Variants in MCF2L2 observed in about 807,000 individuals in gnomAD.
The protein encoded by MCF2L2 is MCF.2 cell line derived transforming sequence-like 2.
In MCF2L2, 102 loss-of-function variants were observed where a neutral mutation model predicts 150.2. The observed-to-expected ratio is 0.68, with a 90% CI of 0.58 to 0.80. The LOEUF is 0.80. Ranked by LOEUF, MCF2L2 falls within the 30% of genes least tolerant of loss-of-function variation. MCF2L2 has a pLI of 0.00. For synonymous variants in MCF2L2, 465 were observed against 491.3 expected (o/e 0.95, Z 0.71); for missense variants, 1,256 against 1,372.8 (o/e 0.91, Z 1.34).
intron 27 of MCF2L2, among the ~76,000 whole-genome samples, chr3:183,188,808 T>C (rs942453045): frequency 1.7e-4 from 26 of 152,016 alleles, no homozygotes; most frequent in African/African-American, 6.0e-4. Context: ...TCTCCTCTAC[T>C]AAAAATTCAA....
intron 4 of MCF2L2, among the ~76,000 whole-genome samples, chr3:183,340,945 AAAT>A (rs1263822538): frequency 6.6e-6 from 1 of 152,222 alleles, no homozygotes; most frequent in Non-Finnish European, 1.5e-5. Context: ...ACTGTTTCAA[AAAT>A]AATAATAATA....
At chr3:183,360,963 GAAA>G (rs1340713811) in intron 3 of MCF2L2, among the ~76,000 whole-genome samples, 4 of 37,668 alleles carry the variant, frequency 1.1e-4, no homozygotes, top group Non-Finnish European at 1.5e-4. Flanking sequence ...ACTCAGAAAA[GAAA>G]AGAAAAGAAA....
intron 15 of MCF2L2, among the ~76,000 whole-genome samples, chr3:183,240,813 C>T (rs1723988116): frequency 6.6e-6 from 1 of 152,194 alleles, no homozygotes; most frequent in Non-Finnish European, 1.5e-5. Flanking sequence ...TCTGTTAAGC[C>T]AGTGTTATCG....
At chr3:183,332,207 T>G (rs551838265) in intron 5 of MCF2L2, among the ~76,000 whole-genome samples, 1 of 152,180 alleles carries the variant, frequency 6.6e-6, no homozygotes, top group Non-Finnish European at 1.5e-5. Flanking sequence ...GCTTGATAAC[T>G]TCAGACTCTG....
chr3:183,310,533 C>T, intron 9 of MCF2L2: 1 of 274,814 alleles, frequency 3.6e-6, no homozygotes, highest in Non-Finnish European at 7.2e-6. Context: ...GATGGTGGGG[C>T]ATGCCTGTAA....
intron 10 of MCF2L2, among the ~76,000 whole-genome samples, chr3:183,309,310 C>T (rs1399160534): frequency 6.6e-6 from 1 of 151,640 alleles, no homozygotes; most frequent in Non-Finnish European, 1.5e-5. Flanking sequence ...CCCATCCTTA[C>T]TACCAACCCC....
chr3:183,282,172 T>TATTTG (rs1486553849), intron 14 of MCF2L2, among the ~76,000 whole-genome samples: 80 of 150,812 alleles, frequency 5.3e-4, no homozygotes, highest in African/African-American at 1.9e-3. Flanking sequence ...TATTATTATT[T>TATTTG]ATTTTATTTT....
At chr3:183,217,765 T>C (rs1412024045) in intron 21 of MCF2L2, among the ~76,000 whole-genome samples, 1 of 152,202 alleles carries the variant, frequency 6.6e-6, no homozygotes, top group African/African-American at 2.4e-5. Flanking sequence ...CCATTAAAGA[T>C]GCCAAAGAGA....
Position 183,394,039 on chromosome 3 carries a change from A to G in MCF2L2, c.77-4260T>C, listed in dbSNP as rs574300027. ...AAAAAAGAAAAAGAACTAAATAAAT[A>G]AATACCTAGGTTAAGGGGGAAAAAG... On this transcript the variant is annotated intron_variant, in intron 1 of 29. Transcript: ENST00000328913. 2.0e-5 allele frequency among the ~76,000 whole-genome samples: 3 copies of G among 152,314 alleles called. No homozygotes were observed. In the South Asian group the frequency reaches 6.2e-4, roughly 32 times the overall value.
At chr3:183,241,829 A>C (rs1031489062) in intron 15 of MCF2L2, among the ~76,000 whole-genome samples, 1 of 152,210 alleles carries the variant, frequency 6.6e-6, no homozygotes, top group Non-Finnish European at 1.5e-5. Context: ...GATGTGGTAA[A>C]GTTTGGAACT....
intron 15 of MCF2L2, 131 bp from the exon 16 acceptor site, chr3:183,231,148 G>A (rs1223321935): frequency 1.4e-6 from 1 of 735,340 alleles, no homozygotes; most frequent in African/African-American, 1.7e-5. Context: ...TTAGTTTCTG[G>A]TCAGTTCATT....
intron 3 of MCF2L2, among the ~76,000 whole-genome samples, chr3:183,349,044 A>C (rs567835060): frequency 1.3e-5 from 2 of 152,318 alleles, no homozygotes; most frequent in East Asian, 3.8e-4. Flanking sequence ...ATGCTCATGG[A>C]ATATTTAACA....
At chr3:183,418,714 G>C (rs66981586) in intron 1 of MCF2L2, among the ~76,000 whole-genome samples, 1 of 152,128 alleles carries the variant, frequency 6.6e-6, no homozygotes, top group Non-Finnish European at 1.5e-5. Context: ...CTTTGACTTC[G>C]TGTCTCACAT....
At chr3:183,202,118 A>G (rs1027335492) in intron 25 of MCF2L2, among the ~76,000 whole-genome samples, 6 of 152,174 alleles carry the variant, frequency 3.9e-5, no homozygotes, top group Admixed American at 3.3e-4. Context: ...TGGGGGAACT[A>G]TGGAGCCTCA....
At chr3:183,210,782 A>G (rs1722666482) in intron 22 of MCF2L2, among the ~76,000 whole-genome samples, 1 of 152,182 alleles carries the variant, frequency 6.6e-6, no homozygotes, top group South Asian at 2.1e-4. Context: ...CTCAGGCAGC[A>G]AGGTTTGTGC....
At chr3:183,273,196 G>A (rs1309814612) in intron 15 of MCF2L2, 7 of 468,622 alleles carry the variant, frequency 1.5e-5, no homozygotes, top group East Asian at 3.5e-5. Flanking sequence ...CACTTGAATA[G>A]AAGATGGTTA....
At chr3:183,211,308 G>C (rs528395397) in intron 22 of MCF2L2, among the ~76,000 whole-genome samples, 1 of 152,126 alleles carries the variant, frequency 6.6e-6, no homozygotes, top group Non-Finnish European at 1.5e-5. Context: ...GTGACTTCTT[G>C]AGAAGCTGCA....
At position 183,216,067 on chromosome 3, in the gene MCF2L2, C is replaced by T; in HGVS notation, c.2398G>A (p.Ala800Thr). 1.2e-6 allele frequency: 2 copies of T among 1,613,746 alleles called. No homozygotes were observed. Among genetic ancestry groups the T allele is most frequent in the Non-Finnish European group, 1.7e-6 (2 of 1,179,812 alleles). The change falls in exon 22 of 30, where the codon GCA (alanine) becomes ACA (threonine). Residue 800 changes from alanine to threonine, a missense_variant. By Grantham distance (58) the Ala-to-Thr change is moderately conservative. Transcript: ENST00000328913. ...KDGPKRTKDS[A>T]FSTELQQALA... ...GCTTGTTGTAGTTCAGTTGAGAATG[C>T]TGAATCTTTGGTTCTCTTTGGCCCA... is the stretch of plus-strand genomic sequence containing the variant.
At chr3:183,207,942 A>C in intron 22 of MCF2L2, 119 bp from the exon 23 acceptor site, 1 of 755,314 alleles carries the variant, frequency 1.3e-6, no homozygotes. Context: ...CAATTCTAAA[A>C]GTGCTATTCA....
Sources: allele counts gnomAD v4.1 joint callset (sites outside exome capture counted in the v4.1 genomes callset), GRCh38; gene constraint gnomAD v4.1.1; transcripts MANE v1.5; gene names NCBI Gene and HGNC (gene_info 2026-07-23, HGNC 2026-07-21).